RYR2: variants seen among roughly 807,000 people sequenced by gnomAD.
RYR2 encodes cardiac muscle ryanodine receptor-calcium release channel.
A neutral mutation model predicts 601.1 loss-of-function variants in RYR2; 227 were observed. That is an observed-to-expected ratio of 0.38 (90% CI 0.34 to 0.42). The LOEUF is 0.42. Among genes scored for constraint, RYR2 ranks in the 10% least tolerant of loss-of-function variants. The pLI, the probability that RYR2 is intolerant of heterozygous loss-of-function variation, is 1.00. For missense variants in RYR2, 4,646 were observed against 6,156.5 expected, an observed-to-expected ratio of 0.75 and a Z score of 8.21; for synonymous variants, 2,223 against 2,175.1, an observed-to-expected ratio of 1.02 and a Z score of -0.61.
chr1:237,706,646 CA>C (rs1688406134), intron 67 of RYR2, among the ~76,000 whole-genome samples: 1 of 152,028 alleles, frequency 6.6e-6, no homozygotes, highest in Non-Finnish European at 1.5e-5. Context: ...AAGGTGGAGC[CA>C]GTCATAAATG....
At chr1:237,543,678 T>G (rs567871680) in intron 25 of RYR2, among the ~76,000 whole-genome samples, 16 of 152,358 alleles carry the variant, frequency 1.1e-4, no homozygotes, top group Admixed American at 9.1e-4. Flanking sequence ...TTGATCCATA[T>G]TAAACAAGTA....
At chr1:237,735,668 A>G (rs977589798) in intron 79 of RYR2, among the ~76,000 whole-genome samples, 7 of 152,230 alleles carry the variant, frequency 4.6e-5, no homozygotes, top group African/African-American at 7.2e-5. Context: ...TCAAAATCCA[A>G]GAATGCTCAA....
At chr1:237,101,877 G>T (rs1668142289) in intron 1 of RYR2, among the ~76,000 whole-genome samples, 1 of 152,196 alleles carries the variant, frequency 6.6e-6, no homozygotes, top group Non-Finnish European at 1.5e-5. Flanking sequence ...ATCTAAGCAA[G>T]GTGGGGGAGG....
intron 1 of RYR2, among the ~76,000 whole-genome samples, chr1:237,061,257 T>TATCTATCTATCTATC (rs1558163673): frequency 7.2e-6 from 1 of 138,384 alleles, no homozygotes; most frequent in African/African-American, 2.7e-5. Context: ...ATCTATCATC[T>TATCTATCTATCTATC]ATCTATCTAT....
chr1:237,716,194 A>G (rs1689252933), intron 71 of RYR2, among the ~76,000 whole-genome samples: 1 of 152,142 alleles, frequency 6.6e-6, no homozygotes, highest in Non-Finnish European at 1.5e-5. Flanking sequence ...TTGTTTCACT[A>G]CTTTCACTAT....
At chr1:237,454,293 T>C (rs1410013290) in intron 14 of RYR2, 98 bp from the exon 15 acceptor site, 1 of 1,218,626 alleles carries the variant, frequency 8.2e-7, no homozygotes, top group Non-Finnish European at 1.1e-6. Flanking sequence ...TTTACAGTGA[T>C]GTAGGGAGAG....
chr1:237,504,393 A>C (rs1006918114), intron 22 of RYR2, among the ~76,000 whole-genome samples: 3 of 152,234 alleles, frequency 2.0e-5, no homozygotes, highest in African/African-American at 7.2e-5. Context: ...GGAGAATTAC[A>C]AAGAACCTTC....
At position 237,331,794 on chromosome 1, in the gene RYR2, G is replaced by A. The variant is rs187103456; in HGVS notation, c.273+812G>A. Among the ~76,000 whole-genome samples, 562 of 152,048 alleles carry A rather than the reference G, an allele frequency of 3.7e-3. 2 individuals carry two copies. Among genetic ancestry groups the A allele is most frequent in the African/African-American group, 0.012 (515 of 41,462 alleles). ...CTCCCAAAGTGCTGGGATTACAGGC[G>A]TGAGCCACCGCGCCCAGCCCTGAAA... On this transcript the variant is annotated intron_variant, in intron 3 of 104. Coordinates refer to ENST00000366574, the MANE Select transcript of RYR2 (RefSeq NM_001035.3).
At chr1:237,642,358 G>C (rs565649306) in intron 47 of RYR2, among the ~76,000 whole-genome samples, 1 of 152,266 alleles carries the variant, frequency 6.6e-6, no homozygotes, top group Non-Finnish European at 1.5e-5. Flanking sequence ...CTGCTAGTAA[G>C]ATTCTTTCAT....
chr1:237,733,692 T>C lies in RYR2; in HGVS notation c.11040-13T>C. Reference sequence around the variant, plus strand: ...CTGCTTAAACACTGATGTTTTCTTCTTGCTTTCCCCAGCAAACTGGAGGAA... The same window carrying C: ...CTGCTTAAACACTGATGTTTTCTTCCTGCTTTCCCCAGCAAACTGGAGGAA... On this transcript the variant is annotated splice_polypyrimidine_tract_variant and intron_variant, in intron 78 of 104. Coordinates refer to ENST00000366574, the MANE Select transcript of RYR2 (RefSeq NM_001035.3). 1 of 1,601,038 alleles carries C rather than the reference T, an allele frequency of 6.2e-7. No homozygotes were observed. The highest frequency in any genetic ancestry group is 2.2e-5 in the East Asian group (1 of 44,780).
Position 237,420,830 on chromosome 1 carries a change from A to T in RYR2, c.849-2262A>T, listed in dbSNP as rs116351161. Among the ~76,000 whole-genome samples, 1,300 of 152,332 alleles carry T rather than the reference A, an allele frequency of 8.5e-3. 26 individuals are homozygous for T. The highest frequency in any genetic ancestry group is 0.03 in the African/African-American group (1,249 of 41,574). On this transcript the variant is annotated intron_variant, in intron 11 of 104. Coordinates refer to ENST00000366574, the MANE Select transcript of RYR2 (RefSeq NM_001035.3). ...TCCATGATGATTAAGATGAATTGTT[A>T]TTCAGAAGTGATTCATTATTTACAA... is the stretch of plus-strand genomic sequence containing the variant.
At chr1:237,266,927 C>A (rs1373389058) in intron 1 of RYR2, among the ~76,000 whole-genome samples, 1 of 152,090 alleles carries the variant, frequency 6.6e-6, no homozygotes, top group Non-Finnish European at 1.5e-5. Context: ...TATAGTGGAG[C>A]TCTCCTGAAC....
intron 80 of RYR2, among the ~76,000 whole-genome samples, chr1:237,749,940 G>A (rs981140037): frequency 6.6e-6 from 1 of 152,156 alleles, no homozygotes; most frequent in Non-Finnish European, 1.5e-5. Flanking sequence ...GAGGTCAGGA[G>A]TTCAAGACCA....
At chr1:237,310,108 T>C (rs12734757) in intron 2 of RYR2, among the ~76,000 whole-genome samples, 51,422 of 151,992 alleles carry the variant, frequency 0.34, 8,938 homozygotes, top group South Asian at 0.51. Flanking sequence ...CCAGAGTGGG[T>C]GCCGAGGCCG....
intron 2 of RYR2, among the ~76,000 whole-genome samples, chr1:237,271,553 A>T (rs1689685786): frequency 6.6e-6 from 1 of 152,148 alleles, no homozygotes; most frequent in African/African-American, 2.4e-5. Flanking sequence ...TTTGAGACAG[A>T]CCTACCTTGT....
rs1491383663 is a variant in RYR2 at position 237,451,987 on chromosome 1, T to TG, written c.1293-2404_1293-2403insG. ...TGGTAGTACTGTGTGTGTATGTGTG[T>TG]TTGTGTGTGTGTTTGTGTGTGTGTT... On this transcript the variant is annotated intron_variant, in intron 14 of 104. Transcript: ENST00000366574. Among the ~76,000 whole-genome samples, 55 of 40,654 alleles carry TG rather than the reference T, an allele frequency of 1.4e-3. 2 individuals are homozygous for TG. Among genetic ancestry groups the TG allele is most frequent in the African/African-American group, 2.5e-3 (48 of 19,542 alleles). The allele number at this position is 40,654 out of a possible 152,430, so 26.7% of individuals were successfully genotyped here. A position where few individuals can be genotyped will look rare whatever the true frequency, so the allele number is the denominator to read the frequency against.
At chr1:237,756,118 AC>A (rs1048244024) in intron 80 of RYR2, among the ~76,000 whole-genome samples, 169 bp from the exon 81 acceptor site, 1 of 148,630 alleles carries the variant, frequency 6.7e-6, no homozygotes, top group Non-Finnish European at 1.5e-5. Context: ...GGAAAAAAAA[AC>A]AATAGTTGAA....
At chr1:237,732,326 T>A (rs1202501337) in intron 78 of RYR2, among the ~76,000 whole-genome samples, 177 bp downstream of exon 78, 1 of 152,226 alleles carries the variant, frequency 6.6e-6, no homozygotes, top group Non-Finnish European at 1.5e-5. Flanking sequence ...CATTCAATTT[T>A]AGGCTTCAGC....
intron 16 of RYR2, among the ~76,000 whole-genome samples, chr1:237,461,327 C>G (rs1222198486): frequency 6.6e-6 from 1 of 152,168 alleles, no homozygotes; most frequent in Non-Finnish European, 1.5e-5. Flanking sequence ...CACTCCTTCT[C>G]TTCTCCAGTC....
Sources: allele counts gnomAD v4.1 joint callset (sites outside exome capture counted in the v4.1 genomes callset), GRCh38; gene constraint gnomAD v4.1.1; transcripts MANE v1.5; gene names NCBI Gene and HGNC (gene_info 2026-07-23, HGNC 2026-07-21).